Variants in RAB39A observed in about 807,000 individuals in gnomAD.
RAB39A encodes the protein RAB39A, member RAS oncogene family.
A neutral mutation model predicts 20.9 loss-of-function variants in RAB39A; 17 were observed. The ratio of observed to expected loss-of-function variants is 0.81; its 90% CI spans 0.56 to 1.22. RAB39A has a LOEUF of 1.22. Among genes scored for constraint, RAB39A ranks in the 50% most tolerant of loss-of-function variants. The pLI is 0.00. For missense variants in RAB39A, 234 were observed against 270.5 expected, an observed-to-expected ratio of 0.87 and a Z score of 0.95; for synonymous variants, 99 against 103.4, an observed-to-expected ratio of 0.96 and a Z score of 0.26.
chr11:107,960,142 G>A (rs61906955), intron 1 of RAB39A, among the ~76,000 whole-genome samples: 70,533 of 150,952 alleles, frequency 0.47, 18,252 homozygotes, highest in East Asian at 0.71. Flanking sequence ...CCCAGGAGGC[G>A]GAGGTTGCAG....
intron 1 of RAB39A, among the ~76,000 whole-genome samples, chr11:107,936,694 T>G (rs1861197120): frequency 6.6e-6 from 1 of 152,160 alleles, no homozygotes; most frequent in East Asian, 1.9e-4. Context: ...GAAAACGATT[T>G]TTTGTTCCTT....
At chr11:107,948,619 G>T (rs1861342842) in intron 1 of RAB39A, among the ~76,000 whole-genome samples, 1 of 151,936 alleles carries the variant, frequency 6.6e-6, no homozygotes, top group South Asian at 2.1e-4. Flanking sequence ...TCCCACCTCA[G>T]CCTCCCAAGT....
At chr11:107,960,209 C>CAAA (rs57337416) in intron 1 of RAB39A, among the ~76,000 whole-genome samples, 1 of 116,388 alleles carries the variant, frequency 8.6e-6, no homozygotes. Context: ...GACTCCATCT[C>CAAA]AAAAAAAAAA....
At chr11:107,948,409 G>C (rs1412233338) in intron 1 of RAB39A, among the ~76,000 whole-genome samples, 1 of 151,946 alleles carries the variant, frequency 6.6e-6, no homozygotes, top group Non-Finnish European at 1.5e-5. Flanking sequence ...CTTAGGCAGC[G>C]TCATGTGAAT....
Position 107,928,639 on chromosome 11 carries a change from T to TCCTGCACCGCTTCACCCAGGGCC in RAB39A, c.72_94dup (p.Arg32ProfsTer55). Reference sequence around the variant, plus strand: ...GACTCCACCGTGGGCAAGTCCTGCCTCCTGCACCGCTTCACCCAGGGCCGC... The same window carrying TCCTGCACCGCTTCACCCAGGGCC: ...GACTCCACCGTGGGCAAGTCCTGCCTCCTGCACCGCTTCACCCAGGGCCCCTGCACCGCTTCACCCAGGGCCGC... On this transcript the variant is annotated frameshift_variant, in exon 1 of 2. Transcript: ENST00000320578. LOFTEE classifies it high-confidence loss of function. This position sits in a 1 kb window ranked among gnomAD's most constrained non-coding sequence, Gnocchi z 4.9. 6.2e-7 allele frequency: 1 copy of TCCTGCACCGCTTCACCCAGGGCC among 1,611,676 alleles called. No homozygotes were observed. The highest frequency in any genetic ancestry group is 1.7e-5 in the Admixed American group (1 of 59,942).
At chr11:107,951,644 C>T (rs556410804) in intron 1 of RAB39A, among the ~76,000 whole-genome samples, 53 of 110,930 alleles carry the variant, frequency 4.8e-4, no homozygotes, top group Admixed American at 1.1e-3. Flanking sequence ...TTTGGAGACA[C>T]GGTCTCAATC....
At chr11:107,948,843 T>C (rs1861345214) in intron 1 of RAB39A, among the ~76,000 whole-genome samples, 1 of 152,172 alleles carries the variant, frequency 6.6e-6, no homozygotes, top group Admixed American at 6.6e-5. Context: ...AGTAAGGTCA[T>C]TTCTTAGCAC....
intron 1 of RAB39A, among the ~76,000 whole-genome samples, chr11:107,943,161 G>A (rs1487467359): frequency 6.6e-6 from 1 of 152,150 alleles, no homozygotes; most frequent in Non-Finnish European, 1.5e-5. Flanking sequence ...GAAGTGTTGG[G>A]TATTGGGCAA....
intron 1 of RAB39A, among the ~76,000 whole-genome samples, chr11:107,934,843 C>T (rs1356765785): frequency 6.7e-6 from 1 of 150,056 alleles, no homozygotes; most frequent in Non-Finnish European, 1.5e-5. Flanking sequence ...GTGGGAGAAT[C>T]GCTTGAACCC....
intron 1 of RAB39A, among the ~76,000 whole-genome samples, chr11:107,938,604 A>G (rs2062878): frequency 1.4e-5 from 2 of 144,712 alleles, no homozygotes; most frequent in African/African-American, 2.5e-5. Flanking sequence ...GGCATGGTGG[A>G]GTGCCCCTGT....
Position 107,962,091 on chromosome 11 carries a change from G to C in RAB39A, c.373G>C (p.Val125Leu), listed in dbSNP as rs1418986559. 6.2e-7 allele frequency: 1 copy of C among 1,614,134 alleles called. No homozygotes were observed. The highest frequency in any genetic ancestry group is 8.5e-7 in the Non-Finnish European group (1 of 1,180,004). Reference protein sequence around the residue: ...VQPFRIVFLLVGHKCDLASQR... With the variant: ...VQPFRIVFLLLGHKCDLASQR... The stretch of plus-strand genomic sequence containing the variant: ...GCCATTTCGGATTGTATTTCTGCTA[G>C]TGGGACATAAATGTGATTTAGCTTC... Residue 125 changes from valine (V) to leucine (L), a missense_variant, in exon 2 of 2, where the codon GTG becomes CTG. Coordinates refer to ENST00000320578, the MANE Select transcript of RAB39A (RefSeq NM_017516.3).
chr11:107,946,428 G>A (rs1321299495), intron 1 of RAB39A, among the ~76,000 whole-genome samples: 14 of 19,776 alleles, frequency 7.1e-4, no homozygotes, highest in Non-Finnish European at 7.8e-4. Context: ...GTGTGTGTGT[G>A]TGTGTGTGTA....
intron 1 of RAB39A, among the ~76,000 whole-genome samples, chr11:107,949,111 A>G (rs1274208413): frequency 1.3e-5 from 2 of 151,998 alleles, no homozygotes; most frequent in African/African-American, 4.8e-5. Context: ...GCTTGAGCCC[A>G]GGAGTTTGAG....
At chr11:107,949,018 G>A (rs183476569) in intron 1 of RAB39A, among the ~76,000 whole-genome samples, 41 of 152,220 alleles carry the variant, frequency 2.7e-4, no homozygotes, top group African/African-American at 9.4e-4. Flanking sequence ...ACTCTCAATA[G>A]GAAGAACATT....
chr11:107,945,328 A>G (rs1263681648), intron 1 of RAB39A, among the ~76,000 whole-genome samples: 1 of 151,684 alleles, frequency 6.6e-6, no homozygotes, highest in Admixed American at 6.6e-5. Context: ...CAAAAAAAAA[A>G]AAAAAAAAAA....
intron 1 of RAB39A, among the ~76,000 whole-genome samples, chr11:107,958,645 TA>T (rs1482624924): frequency 6.6e-6 from 1 of 152,248 alleles, no homozygotes; most frequent in East Asian, 1.9e-4. Flanking sequence ...TGAGTCCTTT[TA>T]TTCCCAACTA....
chr11:107,938,533 C>T lies in RAB39A; in HGVS notation c.227+9738C>T, dbSNP rs567667976. On this transcript the variant is annotated intron_variant, in intron 1 of 1. Coordinates refer to ENST00000320578, the MANE Select transcript of RAB39A (RefSeq NM_017516.3). ...TCTCTTGAGCCCAGGAGTTCGAGAC[C>T]AGTCTGGGCAACATAGTGAGACCTC... Among the ~76,000 whole-genome samples, 3 of 138,208 alleles carry T rather than the reference C, an allele frequency of 2.2e-5. No homozygotes were observed. In the South Asian group the frequency reaches 6.9e-4, roughly 32 times the overall value. 90.7% of individuals were successfully genotyped at this position (138,208 alleles called of 152,430 possible). A position where few individuals can be genotyped will look rare whatever the true frequency, so the allele number is the denominator to read the frequency against.
chr11:107,952,173 G>A (rs1159712208), intron 1 of RAB39A, among the ~76,000 whole-genome samples: 1 of 152,176 alleles, frequency 6.6e-6, no homozygotes, highest in Non-Finnish European at 1.5e-5. Flanking sequence ...AATGAACCTT[G>A]TGGATGAATA....
At chr11:107,938,558 C>T (rs1435750963) in intron 1 of RAB39A, among the ~76,000 whole-genome samples, 1 of 84,456 alleles carries the variant, frequency 1.2e-5, no homozygotes, top group African/African-American at 4.5e-5. Flanking sequence ...AGTGAGACCT[C>T]GTCTATAAAA....
Sources: allele counts gnomAD v4.1 joint callset (sites outside exome capture counted in the v4.1 genomes callset), GRCh38; gene constraint gnomAD v4.1.1; non-coding constraint Gnocchi (gnomAD v3.1); transcripts MANE v1.5; gene names NCBI Gene and HGNC (gene_info 2026-07-23, HGNC 2026-07-21).